The following RSPH14 variants were observed in gnomAD, a reference collection of about 807,000 sequenced individuals.
RSPH14 encodes radial spoke head 14 homolog.
In RSPH14, 20 loss-of-function variants were observed where a neutral mutation model predicts 26.7. The ratio of observed to expected loss-of-function variants is 0.75; its 90% CI spans 0.53 to 1.09. The LOEUF (loss-of-function observed/expected upper bound fraction) is 1.09. Among genes scored for constraint, RSPH14 ranks in the 50% least tolerant of loss-of-function variants. The pLI is 0.00. For synonymous variants in RSPH14, 177 were observed against 189.3 expected (o/e 0.93, Z 0.53); for missense variants, 449 against 457.2 (o/e 0.98, Z 0.16).
upstream of RSPH14, among the ~76,000 whole-genome samples, chr22:23,148,207 G>A (rs896119518): frequency 2.0e-5 from 3 of 152,144 alleles, no homozygotes; most frequent in Non-Finnish European, 4.4e-5. Context: ...CACCTACAGA[G>A]AAAGGCTTTG....
chr22:23,120,028 C>T (rs2069966962), intron 4 of RSPH14, among the ~76,000 whole-genome samples: 1 of 152,158 alleles, frequency 6.6e-6, no homozygotes, highest in Non-Finnish European at 1.5e-5. Context: ...AGGGAAGGGC[C>T]CACACTCGGG....
the RSPH14 span, among the ~76,000 whole-genome samples, chr22:23,168,611 T>C: frequency 6.6e-6 from 1 of 152,226 alleles, no homozygotes; most frequent in South Asian, 2.1e-4. Flanking sequence ...ATCTCCCATA[T>C]GTCAGCCTTC....
intron 6 of RSPH14, 79 bp downstream of exon 6, chr22:23,061,730 A>G: frequency 8.5e-6 from 13 of 1,532,128 alleles, no homozygotes; most frequent in Non-Finnish European, 1.2e-5. Flanking sequence ...GACGATACCC[A>G]GCCCCTGAGT....
intron 4 of RSPH14, chr22:23,095,301 C>T (rs2069093532): frequency 4.3e-6 from 1 of 234,888 alleles, no homozygotes; most frequent in Non-Finnish European, 8.4e-6. Context: ...AGGGAGCACA[C>T]CAGCGACCGG....
the RSPH14 span, among the ~76,000 whole-genome samples, chr22:23,152,725 TC>T: frequency 6.6e-6 from 1 of 152,284 alleles, no homozygotes; most frequent in Non-Finnish European, 1.5e-5. Context: ...AATTGTGGCG[TC>T]CCAGGAGCCT....
At chr22:23,076,417 C>T (rs1390087562) in intron 4 of RSPH14, among the ~76,000 whole-genome samples, 1 of 152,210 alleles carries the variant, frequency 6.6e-6, no homozygotes, top group Admixed American at 6.5e-5. Flanking sequence ...TAGGGCTGAG[C>T]TGTGTGCTCG....
chr22:23,176,910 G>A, the RSPH14 span, among the ~76,000 whole-genome samples: 1 of 152,190 alleles, frequency 6.6e-6, no homozygotes, highest in African/African-American at 2.4e-5. Flanking sequence ...TTCTTCAGCT[G>A]CCCCAGCCAC....
chr22:23,170,319 G>A, the RSPH14 span, among the ~76,000 whole-genome samples: 4 of 152,198 alleles, frequency 2.6e-5, no homozygotes, highest in African/African-American at 9.7e-5. Context: ...CCCGGAGGCT[G>A]GAAGTTCCAG....
At chr22:23,142,631 C>T (rs1036630535), upstream of RSPH14, among the ~76,000 whole-genome samples, 1 of 152,276 alleles carries the variant, frequency 6.6e-6, no homozygotes, top group African/African-American at 2.4e-5. Context: ...AGCCACTGCG[C>T]TCAGCCAGTT....
intron 4 of RSPH14, among the ~76,000 whole-genome samples, chr22:23,126,992 A>G (rs1240411430): frequency 6.6e-6 from 1 of 152,206 alleles, no homozygotes; most frequent in Admixed American, 6.5e-5. Context: ...GCTTGATTCC[A>G]TTCTACAGAA....
intron 4 of RSPH14, chr22:23,095,568 C>T (rs1250522677): frequency 1.9e-6 from 2 of 1,033,744 alleles, no homozygotes; most frequent in Non-Finnish European, 2.8e-6. Context: ...CTCGGCCTCA[C>T]CCCCCTGCTG....
At position 23,095,406 on chromosome 22, in the gene RSPH14, G is replaced by A. The variant is rs559079877; in HGVS notation, c.422-31273C>T. 295 of 398,428 alleles carry A rather than the reference G, an allele frequency of 7.4e-4. 2 individuals carry two copies. The highest frequency in any genetic ancestry group is 2.0e-3 in the Middle Eastern group (3 of 1,504). 24.7% of individuals were successfully genotyped at this position (398,428 alleles called of 1,614,324 possible). ...AAACACAAGCGGACGGCTTCCCACC[G>A]TCGCCGAGGACAGGGAATGACTACG... On this transcript the variant is annotated intron_variant, in intron 4 of 6. Coordinates refer to ENST00000216036, the MANE Select transcript of RSPH14 (RefSeq NM_014433.3).
chr22:23,095,366 G>T (rs755703490), intron 4 of RSPH14: 2 of 304,662 alleles, frequency 6.6e-6, no homozygotes, highest in Non-Finnish European at 6.2e-6. Flanking sequence ...GCAACCAGAC[G>T]GCAGCAGCCG....
chr22:23,112,251 A>T (rs571993017), intron 4 of RSPH14, among the ~76,000 whole-genome samples: 72 of 152,284 alleles, frequency 4.7e-4, no homozygotes, highest in Non-Finnish European at 6.2e-4. Context: ...CAGCTGCCAC[A>T]GCCCCAGGCC....
At chr22:23,140,540 C>A in intron 1 of RSPH14, 68 bp from the exon 2 acceptor site, 1 of 1,461,596 alleles carries the variant, frequency 6.8e-7, no homozygotes, top group Non-Finnish European at 9.1e-7. Flanking sequence ...TCTGATCCTC[C>A]AAACTGTGAG....
At chr22:23,168,661 T>C in the RSPH14 span, among the ~76,000 whole-genome samples, 1 of 152,168 alleles carries the variant, frequency 6.6e-6, no homozygotes, top group Non-Finnish European at 1.5e-5. Flanking sequence ...CGTATGACTG[T>C]CACATGCTCC....
chr22:23,116,160 T>G (rs182400643), intron 4 of RSPH14, among the ~76,000 whole-genome samples: 2 of 152,374 alleles, frequency 1.3e-5, no homozygotes, highest in Admixed American at 1.3e-4. Context: ...TGCCATGACC[T>G]CCGTCTCCTC....
At chr22:23,068,587 C>T (rs2068264606) in intron 4 of RSPH14, among the ~76,000 whole-genome samples, 2 of 152,364 alleles carry the variant, frequency 1.3e-5, no homozygotes, top group East Asian at 1.9e-4. Context: ...TGGACCCCTC[C>T]GCAGGCTAGC....
intron 4 of RSPH14, chr22:23,123,675 A>G: frequency 3.8e-6 from 2 of 530,016 alleles, no homozygotes; most frequent in Non-Finnish European, 6.8e-6. Flanking sequence ...ATCCTCTAAA[A>G]TGTCGAGGTC....
Sources: allele counts gnomAD v4.1 joint callset (sites outside exome capture counted in the v4.1 genomes callset), GRCh38; gene constraint gnomAD v4.1.1; transcripts MANE v1.5; gene names NCBI Gene and HGNC (gene_info 2026-07-23, HGNC 2026-07-21).